Variants in TMEM132D observed in about 807,000 individuals in gnomAD.
TMEM132D encodes transmembrane protein 132D, also known as mature OL transmembrane protein.
TMEM132D carries 21 observed loss-of-function variants against 62.3 expected under a neutral mutation model. The observed-to-expected ratio is 0.34, with a 90% CI of 0.24 to 0.49. The LOEUF (loss-of-function observed/expected upper bound fraction) is 0.49, where lower values mean the gene tolerates loss of function less well. TMEM132D is among the 20% of genes least tolerant of loss of function. The pLI, the probability that TMEM132D is intolerant of heterozygous loss-of-function variation, is 0.99. For missense variants in TMEM132D, 1,346 were observed against 1,402.8 expected, an observed-to-expected ratio of 0.96 and a Z score of 0.65; for synonymous variants, 621 against 575.6, an observed-to-expected ratio of 1.08 and a Z score of -1.13.
At chr12:129,633,591 C>G (rs1879405201) in intron 2 of TMEM132D, among the ~76,000 whole-genome samples, 1 of 152,168 alleles carries the variant, frequency 6.6e-6, no homozygotes, top group African/African-American at 2.4e-5. Flanking sequence ...CCTTCCTCCA[C>G]TGGATTCATT....
intron 4 of TMEM132D, among the ~76,000 whole-genome samples, chr12:129,229,058 C>T (rs1257461800): frequency 6.6e-6 from 1 of 152,164 alleles, no homozygotes. Flanking sequence ...GGGTCTGAAT[C>T]CAGGCTCCCT....
At chr12:129,657,755 A>G (rs1880128781) in intron 2 of TMEM132D, among the ~76,000 whole-genome samples, 1 of 152,256 alleles carries the variant, frequency 6.6e-6, no homozygotes, top group Non-Finnish European at 1.5e-5. Flanking sequence ...AAAACTTACC[A>G]AAGTGTGTCC....
At chr12:129,258,324 AATC>A (rs1452599854) in intron 4 of TMEM132D, among the ~76,000 whole-genome samples, 12 of 152,136 alleles carry the variant, frequency 7.9e-5, no homozygotes, top group African/African-American at 2.9e-4. Context: ...TTATTATTAT[AATC>A]ATCATTATCA....
At chr12:129,086,192 ACG>A (rs72306602) in intron 5 of TMEM132D, among the ~76,000 whole-genome samples, 20,631 of 130,022 alleles carry the variant, frequency 0.16, 1,551 homozygotes, top group Middle Eastern at 0.2. Context: ...TCACATAGTC[ACG>A]CGCGCGCGTG....
At chr12:129,491,145 A>G (rs996962900) in intron 3 of TMEM132D, among the ~76,000 whole-genome samples, 2 of 152,142 alleles carry the variant, frequency 1.3e-5, no homozygotes, top group Admixed American at 6.5e-5. Flanking sequence ...AGTTAGGCTT[A>G]CTTGCATGGG....
intron 2 of TMEM132D, chr12:129,698,151 A>G (rs966596127): frequency 1.3e-5 from 2 of 152,124 alleles, no homozygotes; most frequent in Non-Finnish European, 2.9e-5. Context: ...AAGACTGTTG[A>G]ACCCAGAAAA....
intron 2 of TMEM132D, among the ~76,000 whole-genome samples, chr12:129,674,201 T>C (rs1880572657): frequency 6.6e-6 from 1 of 152,138 alleles, no homozygotes; most frequent in African/African-American, 2.4e-5. Context: ...GCATCAAAGA[T>C]TTGAAATAGG....
chr12:129,407,545 A>G (rs889876170), intron 3 of TMEM132D, among the ~76,000 whole-genome samples: 5 of 152,190 alleles, frequency 3.3e-5, no homozygotes, highest in African/African-American at 1.2e-4. Flanking sequence ...ATTAAAATAC[A>G]TGAATCTGTT....
At chr12:129,173,046 G>A (rs1459018732) in intron 5 of TMEM132D, among the ~76,000 whole-genome samples, 1 of 152,080 alleles carries the variant, frequency 6.6e-6, no homozygotes, top group East Asian at 1.9e-4. Context: ...AATAGTAACA[G>A]CAAAGATCAC....
intron 4 of TMEM132D, among the ~76,000 whole-genome samples, chr12:129,307,253 T>C (rs1489149526): frequency 6.6e-6 from 1 of 152,132 alleles, no homozygotes; most frequent in African/African-American, 2.4e-5. Context: ...GAAAAGAGTA[T>C]AATCCAACCA....
intron 4 of TMEM132D, among the ~76,000 whole-genome samples, chr12:129,334,382 A>G (rs1017612813): frequency 6.8e-6 from 1 of 147,776 alleles, no homozygotes; most frequent in Admixed American, 6.6e-5. Flanking sequence ...ATTTCTCAAT[A>G]AAGATAGAAT....
At chr12:129,233,664 T>C (rs953059071) in intron 4 of TMEM132D, among the ~76,000 whole-genome samples, 8 of 152,304 alleles carry the variant, frequency 5.3e-5, no homozygotes, top group Admixed American at 2.0e-4. Context: ...TTCACTCTTG[T>C]TGCCCAGGCT....
chr12:129,640,410 C>T (rs1052960985), intron 2 of TMEM132D, among the ~76,000 whole-genome samples: 2 of 152,222 alleles, frequency 1.3e-5, no homozygotes, highest in Non-Finnish European at 2.9e-5. Context: ...CTTCTACCCT[C>T]CATGTTCCCA....
At chr12:129,791,277 A>G (rs1241709350) in intron 1 of TMEM132D, among the ~76,000 whole-genome samples, 5 of 152,204 alleles carry the variant, frequency 3.3e-5, no homozygotes, top group Admixed American at 1.3e-4. Flanking sequence ...ATGGCCTGAA[A>G]ATATATTGGT....
At chr12:129,411,368 GCTTGTTTTGT>G (rs1443607663) in intron 3 of TMEM132D, among the ~76,000 whole-genome samples, 2 of 152,070 alleles carry the variant, frequency 1.3e-5, no homozygotes, top group Non-Finnish European at 2.9e-5. Flanking sequence ...TTTGGTTTGG[GCTTGTTTTGT>G]TTTGTTTTGA....
intron 3 of TMEM132D, among the ~76,000 whole-genome samples, chr12:129,340,389 T>C (rs1036773506): frequency 2.0e-5 from 3 of 152,106 alleles, no homozygotes; most frequent in Non-Finnish European, 2.9e-5. Context: ...ACATGTGCCA[T>C]GTTTGTGTGC....
chr12:129,730,774 C>T (rs372886600), intron 1 of TMEM132D, among the ~76,000 whole-genome samples: 4 of 152,186 alleles, frequency 2.6e-5, no homozygotes, highest in East Asian at 1.9e-4. Context: ...ACTAGACTGG[C>T]TGAGTCTCCT....
intron 1 of TMEM132D, among the ~76,000 whole-genome samples, chr12:129,799,277 G>A (rs558925485): frequency 5.9e-5 from 9 of 151,640 alleles, no homozygotes; most frequent in Non-Finnish European, 8.8e-5. Flanking sequence ...GCGAGACTCC[G>A]TCTCAAAAAC....
At chr12:129,664,064 T>C (rs1412750000) in intron 2 of TMEM132D, among the ~76,000 whole-genome samples, 1 of 152,222 alleles carries the variant, frequency 6.6e-6, no homozygotes, top group Non-Finnish European at 1.5e-5. Flanking sequence ...GAAATTATCA[T>C]TGCTCGACTA....
Sources: gnomAD v4.1 joint callset for allele counts (sites outside exome capture counted in the v4.1 genomes callset) on GRCh38, gnomAD v4.1.1 for gene constraint, MANE v1.5 for transcripts, NCBI Gene and HGNC (gene_info 2026-07-23, HGNC 2026-07-21) for gene names.